Variants in ERI1 observed in about 807,000 individuals in gnomAD.
The protein encoded by ERI1 is 3'-5' exoribonuclease 1.
In ERI1, 39 loss-of-function variants were observed where a neutral mutation model predicts 39.7. The observed-to-expected ratio is 0.98, with a 90% confidence interval of 0.76 to 1.28. The LOEUF is 1.28. ERI1 is among the 50% of genes most tolerant of loss of function. The pLI is 0.00. For missense variants in ERI1, 581 were observed against 416.9 expected (o/e 1.39, Z -3.43); for synonymous variants, 204 against 149.6 (o/e 1.36, Z -2.65).
intron 3 of ERI1, among the ~76,000 whole-genome samples, chr8:9,056,576 C>A (rs1317964169): frequency 6.6e-6 from 1 of 152,208 alleles, no homozygotes; most frequent in Non-Finnish European, 1.5e-5. Context: ...AATTCCTCAA[C>A]ATCTTAAGGC....
At chr8:9,093,041 C>G (rs1799757081) in intron 3 of ERI1, among the ~76,000 whole-genome samples, 1 of 152,174 alleles carries the variant, frequency 6.6e-6, no homozygotes, top group Non-Finnish European at 1.5e-5. Context: ...ATGTCTGTCT[C>G]CAAATTTCCG....
intron 3 of ERI1, among the ~76,000 whole-genome samples, chr8:9,084,767 T>G (rs1047539925): frequency 1.2e-4 from 19 of 152,184 alleles, no homozygotes; most frequent in African/African-American, 4.3e-4. Flanking sequence ...ACACACTAGC[T>G]AGAGAGATTC....
At chr8:9,018,682 C>T (rs1360051356) in intron 5 of ERI1, among the ~76,000 whole-genome samples, 2 of 152,158 alleles carry the variant, frequency 1.3e-5, no homozygotes, top group African/African-American at 4.8e-5. Flanking sequence ...CTTCCTTACT[C>T]AAAAAAGTTC....
At position 9,021,146 on chromosome 8, in the gene ERI1, G is replaced by T. The variant is rs530689193; in HGVS notation, c.807+682G>T. On this transcript the variant is annotated intron_variant, in intron 6 of 6. Transcript: ENST00000250263. ...CAGTGTTCATACTCCCGTGACTATG[G>T]AGAGTGTCCACAACTTTCCCCTGGA... Among the ~76,000 whole-genome samples the T allele has an allele frequency of 2.6e-5, 4 of 152,194 alleles. No homozygotes were observed. In the East Asian group the frequency reaches 7.7e-4, roughly 29 times the overall value.
At chr8:9,015,457 T>C (rs926636901) in intron 3 of ERI1, among the ~76,000 whole-genome samples, 5 of 152,070 alleles carry the variant, frequency 3.3e-5, no homozygotes, top group Non-Finnish European at 7.4e-5. Context: ...CTGATAACAA[T>C]ACTGGCCTCA....
intron 3 of ERI1, among the ~76,000 whole-genome samples, chr8:9,015,070 C>T (rs1009609977): frequency 1.3e-5 from 2 of 152,098 alleles, no homozygotes; most frequent in African/African-American, 4.8e-5. Context: ...CTCCTGACCT[C>T]AAGTAATCCA....
downstream of ERI1, among the ~76,000 whole-genome samples, chr8:9,035,449 C>G (rs1046406705): frequency 6.6e-6 from 1 of 152,200 alleles, no homozygotes; most frequent in Non-Finnish European, 1.5e-5. Context: ...TATGCTAAAT[C>G]TACTCTGCCT....
intron 3 of ERI1, among the ~76,000 whole-genome samples, chr8:9,086,132 G>C (rs1471924627): frequency 1.3e-5 from 2 of 152,146 alleles, no homozygotes; most frequent in Non-Finnish European, 2.9e-5. Context: ...AGGGATAGCG[G>C]GCCAGGTGTG....
intron 3 of ERI1, among the ~76,000 whole-genome samples, chr8:9,075,356 A>G (rs1027212104): frequency 6.6e-6 from 1 of 152,188 alleles, no homozygotes; most frequent in Non-Finnish European, 1.5e-5. Flanking sequence ...GTATTGGGAA[A>G]TATTTTCAGG....
chr8:9,084,628 A>G (rs942800271), intron 3 of ERI1, among the ~76,000 whole-genome samples: 2 of 152,198 alleles, frequency 1.3e-5, no homozygotes, highest in Non-Finnish European at 2.9e-5. Context: ...GGTTGGGTGC[A>G]TGCCATCAGG....
At chr8:9,013,257 C>G (rs971694439) in intron 3 of ERI1, among the ~76,000 whole-genome samples, 2 of 151,338 alleles carry the variant, frequency 1.3e-5, no homozygotes, top group Non-Finnish European at 2.9e-5. Context: ...TCAGGCAATC[C>G]ACCTGCCTCA....
chr8:9,034,582 A>G (rs925121753), downstream of ERI1, among the ~76,000 whole-genome samples: 5 of 152,206 alleles, frequency 3.3e-5, no homozygotes, highest in Admixed American at 2.6e-4. Context: ...CCACACCCAT[A>G]TAAGACAACG....
chr8:9,098,244 G>A (rs1053186046), intron 3 of ERI1, among the ~76,000 whole-genome samples: 3 of 152,214 alleles, frequency 2.0e-5, no homozygotes, highest in African/African-American at 7.2e-5. Flanking sequence ...AATTGGCCGA[G>A]CGCAGTGGCT....
In ERI1 at chr8:9,020,474, C is replaced by G. The variant is rs368664160; in HGVS notation, c.807+10C>G. The G allele has an allele frequency of 8.0e-6, 12 of 1,493,828 alleles. No homozygotes were observed. The South Asian group carries it at 1.1e-4, about 14-fold the overall frequency. The allele number at this position is 1,493,828 out of a possible 1,614,324, so 92.5% of individuals were successfully genotyped here. A position where few individuals can be genotyped will look rare whatever the true frequency, so the allele number is the denominator to read the frequency against. On this transcript the variant is annotated intron_variant, in intron 6 of 6. Transcript: ENST00000250263. ...TGGAAATTTTTACAAGGTAAAATTT[C>G]TATATTTAATAATTACGTGGTTCTT...
intron 5 of ERI1, 47 bp downstream of exon 5, chr8:9,018,453 T>A: frequency 1.9e-6 from 2 of 1,060,186 alleles, no homozygotes; most frequent in Non-Finnish European, 2.8e-6. Context: ...TTTTAAAGAT[T>A]AAAGATACCC....
chr8:9,011,427 C>G (rs1816654830), intron 2 of ERI1, 115 bp from the exon 3 acceptor site: 2 of 536,984 alleles, frequency 3.7e-6, no homozygotes, highest in South Asian at 8.1e-5. Flanking sequence ...TTTTAGCTAG[C>G]ATTTGCTAAA....
At chr8:9,013,982 C>G (rs1179971060) in intron 3 of ERI1, among the ~76,000 whole-genome samples, 1 of 152,180 alleles carries the variant, frequency 6.6e-6, no homozygotes, top group Non-Finnish European at 1.5e-5. Context: ...CTGTCTGTGT[C>G]CGCCTACAAC....
At chr8:9,003,735 C>T (rs1815633616) in intron 1 of ERI1, among the ~76,000 whole-genome samples, 1 of 152,170 alleles carries the variant, frequency 6.6e-6, no homozygotes, top group East Asian at 1.9e-4. Flanking sequence ...GTTACAGTGG[C>T]AAAGTTGTAG....
At chr8:9,040,009 CTT>C (rs1563349850) in intron 3 of ERI1, among the ~76,000 whole-genome samples, 2 of 152,080 alleles carry the variant, frequency 1.3e-5, no homozygotes, top group African/African-American at 2.4e-5. Context: ...TCACTAAACT[CTT>C]TTTGTTTTGA....
Sources: allele counts gnomAD v4.1 joint callset (sites outside exome capture counted in the v4.1 genomes callset), GRCh38; gene constraint gnomAD v4.1.1; transcripts MANE v1.5; gene names NCBI Gene and HGNC (gene_info 2026-07-23, HGNC 2026-07-21).